The following CROCC2 variants were observed in gnomAD, a reference collection of about 807,000 sequenced individuals.
CROCC2 encodes ciliary rootlet coiled-coil, rootletin family member 2.
A neutral mutation model predicts 177.6 loss-of-function variants in CROCC2; 163 were observed. That is an observed-to-expected ratio of 0.92 (90% CI 0.81 to 1.05). CROCC2 has a LOEUF of 1.05. Among genes scored for constraint, CROCC2 ranks in the 50% least tolerant of loss-of-function variants. The pLI is 0.00. For synonymous variants in CROCC2, 904 were observed against 787.3 expected, an observed-to-expected ratio of 1.15 and a Z score of -2.48; for missense variants, 1,929 against 1,797.8, an observed-to-expected ratio of 1.07 and a Z score of -1.32.
chr2:240,933,009 G>T, intron 9 of CROCC2, 101 bp downstream of exon 9: 1 of 1,493,800 alleles, frequency 6.7e-7, no homozygotes, highest in Non-Finnish European at 9.0e-7. Context: ...TGAGCCCCAT[G>T]GCTCCAGGGA....
chr2:240,957,389 T>C (rs760600067), intron 19 of CROCC2: 5 of 152,314 alleles, frequency 3.3e-5, no homozygotes, highest in Admixed American at 6.5e-5. Context: ...TATGGTTCAG[T>C]GTGCAGTGAA....
chr2:240,959,318 G>T lies in CROCC2; in HGVS notation c.2961G>T (p.Thr987=). Residue 987 remains threonine (T), a synonymous_variant, in exon 20 of 32, where the codon ACG becomes ACT. Transcript: ENST00000690015. ...CCCCGCAGGCCACCATCAGTGCCAC[G>T]ACTGAGGAGCTGAAGGCCCTCCAGG... ...QEQAQATISA[T]TEELKALQAQ... is the part of the protein sequence containing the mutation. 1 of 1,550,426 alleles carries T rather than the reference G, an allele frequency of 6.4e-7. No individual in the cohort carries two copies. The highest frequency in any genetic ancestry group is 1.2e-5 in the South Asian group (1 of 84,040).
chr2:240,906,618 C>T (rs1021560981), intron 1 of CROCC2, 27 bp downstream of exon 1: 6 of 399,084 alleles, frequency 1.5e-5, no homozygotes, highest in African/African-American at 6.2e-5. Context: ...CTTCCCTGCA[C>T]CCTCCTGAGA....
intron 18 of CROCC2, among the ~76,000 whole-genome samples, chr2:240,951,957 T>C (rs1306328710): frequency 6.6e-6 from 1 of 152,172 alleles, no homozygotes; most frequent in Non-Finnish European, 1.5e-5. Flanking sequence ...CAGTATATCA[T>C]GCTACCCCGA....
chr2:240,947,405 CT>C (rs1159468658), intron 15 of CROCC2, among the ~76,000 whole-genome samples: 1 of 152,226 alleles, frequency 6.6e-6, no homozygotes, highest in African/African-American at 2.4e-5. Flanking sequence ...ACAGCTGCCC[CT>C]ACCTCAGCCC....
chr2:240,985,648 ACACACACCCAG>A (rs769625836), intron 28 of CROCC2, among the ~76,000 whole-genome samples: 5 of 91,864 alleles, frequency 5.4e-5, no homozygotes, highest in Non-Finnish European at 4.1e-5. Context: ...CACTCACTCC[ACACACACCCAG>A]CACACACACC....
At chr2:240,971,644 G>A (rs1045562253) in intron 27 of CROCC2, among the ~76,000 whole-genome samples, 2 of 151,882 alleles carry the variant, frequency 1.3e-5, no homozygotes, top group Non-Finnish European at 2.9e-5. Context: ...TACCTACCCC[G>A]GCAAACCCTC....
Position 240,988,840 on chromosome 2 carries a change from C to A in CROCC2, c.4653C>A (p.Asp1551Glu). Residue 1551 changes from aspartate to glutamate, a missense_variant, in exon 29 of 32, where the codon GAC (aspartate) becomes GAA (glutamate). By Grantham distance (45) the Asp-to-Glu change is conservative. Around this residue, in one of 3 missense-constraint regions of CROCC2, gnomAD observed 388 missense variants for 352.7 expected, o/e 1.10. Coordinates refer to ENST00000690015, the MANE Select transcript of CROCC2 (RefSeq NM_001351305.2). ...QSLNSLHQEV[D>E]GALRQNQQLQ... ...TGAACAGCCTGCACCAGGAGGTGGA[C>A]GGAGCCCTGAGGCAAAATCAGCAGC... 1.3e-6 allele frequency: 2 copies of A among 1,500,552 alleles called. No individual in the cohort carries two copies. Among genetic ancestry groups the A allele is most frequent in the Non-Finnish European group, 1.8e-6 (2 of 1,118,448 alleles). The allele number at this position is 1,500,552 out of a possible 1,614,324, so 93.0% of individuals were successfully genotyped here.
At chr2:240,983,343 A>G (rs2059814499) in intron 28 of CROCC2, 1 of 1,281,712 alleles carries the variant, frequency 7.8e-7, no homozygotes, top group Admixed American at 2.6e-5. Context: ...TTGAGGCCAG[A>G]GCCAGCCTTA....
intron 14 of CROCC2, among the ~76,000 whole-genome samples, chr2:240,936,335 T>C (rs2059470136): frequency 6.6e-6 from 1 of 152,180 alleles, no homozygotes; most frequent in African/African-American, 2.4e-5. Flanking sequence ...CCTTCAGCCA[T>C]TGCCCAAAGC....
In CROCC2 at chr2:240,955,841, A is replaced by T. The variant is rs2059586852; in HGVS notation, c.2830-18A>T. 1.3e-6 allele frequency: 2 copies of T among 1,521,676 alleles called. No individual in the cohort carries two copies. The allele number at this position is 1,521,676 out of a possible 1,614,324, so 94.3% of individuals were successfully genotyped here. On this transcript the variant is annotated intron_variant, in intron 18 of 31. Coordinates refer to ENST00000690015, the MANE Select transcript of CROCC2 (RefSeq NM_001351305.2). The stretch of plus-strand genomic sequence containing the variant: ...GAGACTCCCCAACTTTCTCACAAGC[A>T]TACCCCGTCCTGTTCAGGCCCTGTC...
intron 14 of CROCC2, among the ~76,000 whole-genome samples, chr2:240,942,353 C>T (rs1382081529): frequency 6.6e-6 from 1 of 152,062 alleles, no homozygotes; most frequent in Admixed American, 6.5e-5. Context: ...CATTCTTTTC[C>T]TTCTTGAGTA....
intron 28 of CROCC2, chr2:240,983,809 C>T: frequency 2.9e-6 from 1 of 343,954 alleles, no homozygotes; most frequent in Non-Finnish European, 5.4e-6. Context: ...GGGGGCAAAT[C>T]CCCGGCTTTG....
intron 30 of CROCC2, among the ~76,000 whole-genome samples, chr2:240,990,748 A>C (rs1283887638): frequency 6.6e-6 from 1 of 152,028 alleles, no homozygotes; most frequent in Non-Finnish European, 1.5e-5. Context: ...ATGCCTGGCT[A>C]ATTTTTTGTA....
rs757107570 is a variant in CROCC2, at chr2:240,989,628, G to C, written c.4684-26G>C. 4 of 1,527,828 alleles carry C rather than the reference G, an allele frequency of 2.6e-6. No individual in the cohort carries two copies. The African/African-American group carries it at 5.5e-5, about 21-fold the overall frequency. 94.6% of individuals were successfully genotyped at this position (1,527,828 alleles called of 1,614,324 possible). On this transcript the variant is annotated intron_variant, in intron 29 of 31. Transcript: ENST00000690015. ...GTGCGGCCCTCAGTGAGAGACAGCAGTGAGATGCCCAAGTTCTCACTCCAG... is the reference window on the plus strand; with the variant it reads ...GTGCGGCCCTCAGTGAGAGACAGCACTGAGATGCCCAAGTTCTCACTCCAG...
At chr2:240,984,621 C>CCA (rs1158532238) in intron 28 of CROCC2, among the ~76,000 whole-genome samples, 1 of 105,770 alleles carries the variant, frequency 9.5e-6, no homozygotes, top group Non-Finnish European at 1.8e-5. Context: ...GGCACTCACT[C>CCA]CACACACACA....
chr2:240,949,881 C>T lies in CROCC2; in HGVS notation c.2652+179C>T, dbSNP rs1358492908. Among the ~76,000 whole-genome samples the T allele has an allele frequency of 6.6e-6, 1 of 152,160 alleles. No individual in the cohort carries two copies. The highest frequency in any genetic ancestry group is 1.5e-5 in the Non-Finnish European group (1 of 68,028). On this transcript the variant is annotated intron_variant, in intron 17 of 31. Coordinates refer to ENST00000690015, the MANE Select transcript of CROCC2 (RefSeq NM_001351305.2). This position sits in a 1 kb window ranked among gnomAD's most constrained non-coding sequence, Gnocchi z 4.5. ...TCACGTGGGCATCCAGGGCCTTCCC[C>T]GTGGAGCCCTCATATTGGGCTTGGG...
intron 28 of CROCC2, among the ~76,000 whole-genome samples, chr2:240,987,838 G>A (rs2059850764): frequency 6.6e-6 from 1 of 152,232 alleles, no homozygotes; most frequent in Non-Finnish European, 1.5e-5. Flanking sequence ...GGTTGGGAGA[G>A]CAGGGCCTGG....
In CROCC2 at chr2:240,917,866, A is replaced by G. The variant is rs2059330373; in HGVS notation, c.79-860A>G. Among the ~76,000 whole-genome samples, 1 of 152,166 alleles carries G rather than the reference A, an allele frequency of 6.6e-6. No homozygotes were observed. The highest frequency in any genetic ancestry group is 2.4e-5 in the African/African-American group (1 of 41,430). ...CAGGCGGCCTGTGTGTCCTGCCCACAGTCGGTAATCTATTTCACCTGGCAG... is the reference window on the plus strand; with the variant it reads ...CAGGCGGCCTGTGTGTCCTGCCCACGGTCGGTAATCTATTTCACCTGGCAG... On this transcript the variant is annotated intron_variant, in intron 1 of 31. Coordinates refer to ENST00000690015, the MANE Select transcript of CROCC2 (RefSeq NM_001351305.2). This position sits in a 1 kb window ranked among gnomAD's most constrained non-coding sequence, Gnocchi z 4.9.
Sources: allele counts gnomAD v4.1 joint callset (sites outside exome capture counted in the v4.1 genomes callset), GRCh38; gene constraint gnomAD v4.1.1; regional missense constraint gnomAD v4.1.1; non-coding constraint Gnocchi (gnomAD v3.1); transcripts MANE v1.5; gene names NCBI Gene and HGNC (gene_info 2026-07-23, HGNC 2026-07-21).